Variants in ZNF846 observed in about 807,000 individuals in gnomAD.
ZNF846 encodes zinc finger protein 420 pseudogene.
Under a neutral mutation model 16.0 loss-of-function variants are expected in ZNF846, and 15 were observed. The ratio of observed to expected loss-of-function variants is 0.94; its 90% CI spans 0.63 to 1.45. The LOEUF is 1.45. Among genes scored for constraint, ZNF846 ranks in the 40% most tolerant of loss-of-function variants. ZNF846 has a pLI of 0.00. For synonymous variants in ZNF846, 229 were observed against 212.0 expected (o/e 1.08, Z -0.70); for missense variants, 714 against 622.3 (o/e 1.15, Z -1.57).
intron 1 of ZNF846, among the ~76,000 whole-genome samples, chr19:9,776,976 G>A (rs1599401605): frequency 6.6e-6 from 1 of 151,924 alleles, no homozygotes; most frequent in Admixed American, 6.6e-5. Context: ...TTTATAGCTG[G>A]AGGGTTTATC....
chr19:9,760,161 T>C (rs2045201692), intron 4 of ZNF846, among the ~76,000 whole-genome samples: 1 of 150,338 alleles, frequency 6.7e-6, no homozygotes, highest in Admixed American at 6.6e-5. Context: ...GGTGCAGTGG[T>C]GCATGCCTGT....
chr19:9,780,229 T>C (rs2045489181), intron 1 of ZNF846, among the ~76,000 whole-genome samples: 1 of 151,776 alleles, frequency 6.6e-6, no homozygotes, highest in Non-Finnish European at 1.5e-5. Context: ...GGTCTTGCTA[T>C]ATAGCCCAGG....
chr19:9,768,567 A>G (rs1433188944), exon 1 of ZNF846: 1 of 152,228 alleles, frequency 6.6e-6, no homozygotes, highest in African/African-American at 2.4e-5. Flanking sequence ...TCTCCGGAGC[A>G]GCAGCGGGAG....
chr19:9,774,195 G>A (rs554661059), intron 1 of ZNF846, among the ~76,000 whole-genome samples: 19 of 152,066 alleles, frequency 1.2e-4, no homozygotes, highest in Non-Finnish European at 2.2e-4. Context: ...CAGGCCGGGC[G>A]CAGTGTCTTA....
At chr19:9,766,981 T>C (rs1208429753) in intron 1 of ZNF846, among the ~76,000 whole-genome samples, 1 of 150,342 alleles carries the variant, frequency 6.7e-6, no homozygotes, top group Non-Finnish European at 1.5e-5. Flanking sequence ...ACTTTAGTTA[T>C]GCTTTTATTT....
chr19:9,781,763 C>A (rs1234374913), intron 1 of ZNF846, among the ~76,000 whole-genome samples: 1 of 151,384 alleles, frequency 6.6e-6, no homozygotes, highest in Non-Finnish European at 1.5e-5. Context: ...AGAGAAATTT[C>A]CCAAGGGCAA....
downstream of ZNF846, among the ~76,000 whole-genome samples, chr19:9,755,833 A>AG (rs1830499608): frequency 8.0e-6 from 1 of 124,656 alleles, no homozygotes; most frequent in Non-Finnish European, 1.6e-5. Flanking sequence ...AAAAAAAAAA[A>AG]GTATTACCAG....
chr19:9,775,709 GGCA>G (rs2045433721), intron 1 of ZNF846, among the ~76,000 whole-genome samples: 1 of 152,314 alleles, frequency 6.6e-6, no homozygotes, highest in East Asian at 1.9e-4. Context: ...GTGACCACAA[GGCA>G]GCAGTAGCTC....
In ZNF846 at chr19:9,764,110, T is replaced by G. The variant is rs538934648; in HGVS notation, c.16-702A>C. ...AAGCAGATGTTCATAGCTCTGGGAA[T>G]GGAATGCGACCCTTGTGGAGAGCCT... On this transcript the variant is annotated intron_variant, in intron 2 of 5. Coordinates refer to ENST00000397902, the Ensembl canonical transcript of ZNF846. 3.0e-4 allele frequency among the ~76,000 whole-genome samples: 45 copies of G among 152,306 alleles called. 1 individual carries two copies. In the South Asian group the frequency reaches 8.9e-3, roughly 30 times the overall value.
upstream of ZNF846, among the ~76,000 whole-genome samples, chr19:9,769,980 CAA>C (rs765094580): frequency 2.9e-4 from 23 of 78,138 alleles, no homozygotes; most frequent in Admixed American, 5.0e-4. Context: ...GACTCCGTCT[CAA>C]AAAAAAAAAA....
At chr19:9,775,632 G>A (rs558137666) in intron 1 of ZNF846, among the ~76,000 whole-genome samples, 60 of 152,278 alleles carry the variant, frequency 3.9e-4, no homozygotes, top group South Asian at 8.3e-4. Context: ...GGAACTAAAT[G>A]TGAAAAACAA....
At position 9,774,595 on chromosome 19, in the gene ZNF846, G is replaced by A. The variant is rs1002345432; in HGVS notation, c.-85-9560C>T. ...TCCAGGTTGATGAAGCTAATTTATT[G>A]ACTTAGCAAGGGCTTATTGTTCCTG... On this transcript the variant is annotated intron_variant, in intron 1 of 4. Transcript: ENST00000586814. 3 of 1,508,936 alleles carry A rather than the reference G, an allele frequency of 2.0e-6. No individual in the cohort carries two copies. The Admixed American group carries it at 5.0e-5, about 25-fold the overall frequency. 93.5% of individuals were successfully genotyped at this position (1,508,936 alleles called of 1,614,324 possible). A position where few individuals can be genotyped will look rare whatever the true frequency, so the allele number is the denominator to read the frequency against.
chr19:9,760,077 A>G, intron 4 of ZNF846, 135 bp from the exon 5 acceptor site: 1 of 587,382 alleles, frequency 1.7e-6, no homozygotes, highest in East Asian at 3.1e-5. Context: ...GGCTTACCTG[A>G]GGTTAGGAGT....
chr19:9,786,125 G>A (rs2045557795), upstream of ZNF846: 1 of 151,954 alleles, frequency 6.6e-6, no homozygotes, highest in African/African-American at 2.4e-5. Flanking sequence ...GCAACTCTGG[G>A]GAGAAGTCTT....
downstream of ZNF846, among the ~76,000 whole-genome samples, chr19:9,751,533 C>G (rs1341152345): frequency 2.6e-5 from 4 of 152,132 alleles, no homozygotes; most frequent in African/African-American, 9.7e-5. Flanking sequence ...TTGTAACATT[C>G]CTCCCCACCC....
intron 4 of ZNF846, among the ~76,000 whole-genome samples, chr19:9,761,366 A>C (rs982180523): frequency 6.6e-6 from 1 of 152,056 alleles, no homozygotes; most frequent in Admixed American, 6.6e-5. Flanking sequence ...AAAAGAGTGA[A>C]GCAAATGGAA....
At chr19:9,767,158 G>A (rs1305077103) in intron 1 of ZNF846, among the ~76,000 whole-genome samples, 1 of 151,300 alleles carries the variant, frequency 6.6e-6, no homozygotes, top group African/African-American at 2.4e-5. Context: ...TTATTTAGAC[G>A]GTGTTTTGCT....
exon 6 of ZNF846, chr19:9,758,320 G>A: frequency 6.2e-7 from 1 of 1,613,458 alleles, no homozygotes; most frequent in East Asian, 2.2e-5. Flanking sequence ...CAGACATAGG[G>A]CTTCTCTCCA....
chr19:9,771,548 T>C (rs1477396288), upstream of ZNF846, among the ~76,000 whole-genome samples: 1 of 152,180 alleles, frequency 6.6e-6, no homozygotes, highest in Non-Finnish European at 1.5e-5. Flanking sequence ...TGAGAACATA[T>C]ATATGGTTTT....
Sources: gnomAD v4.1 joint callset for allele counts (sites outside exome capture counted in the v4.1 genomes callset) on GRCh38, gnomAD v4.1.1 for gene constraint, MANE v1.5 for transcripts, NCBI Gene and HGNC (gene_info 2026-07-23, HGNC 2026-07-21) for gene names.